USP24: variants seen among roughly 807,000 people sequenced by gnomAD.
USP24 encodes the protein ubiquitin carboxyl-terminal hydrolase 24.
USP24 carries 97 observed loss-of-function variants against 361.6 expected under a neutral mutation model. The ratio of observed to expected loss-of-function variants is 0.27; its 90% CI spans 0.23 to 0.32. USP24 has a LOEUF of 0.32. USP24 is among the 10% of genes least tolerant of loss of function. The pLI is 1.00. For synonymous variants in USP24, 1,098 were observed against 1,124.6 expected, an observed-to-expected ratio of 0.98 and a Z score of 0.47; for missense variants, 2,353 against 3,165.6, an observed-to-expected ratio of 0.74 and a Z score of 6.16.
intron 63 of USP24, among the ~76,000 whole-genome samples, chr1:55,074,992 AG>A (rs776172794): frequency 6.6e-5 from 10 of 152,234 alleles, no homozygotes; most frequent in Non-Finnish European, 1.3e-4. Flanking sequence ...CTTCTGAAAA[AG>A]AAAGCCCTGC....
rs1266690279 is a variant in USP24 at position 55,069,037 on chromosome 1, A to ATG, written c.*6_*7dup. 1 of 1,614,026 alleles carries ATG rather than the reference A, an allele frequency of 6.2e-7. No homozygotes were observed. The highest frequency in any genetic ancestry group is 8.5e-7 in the Non-Finnish European group (1 of 1,179,866). On this transcript the variant is annotated 3_prime_UTR_variant, in exon 68 of 68. Transcript: ENST00000294383. ...TGTCTTGACTCCTCTCAGGCTGGGC[A>ATG]TGTTCCTCTAGGGATCAACATCATC...
intron 67 of USP24, chr1:55,071,543 G>A (rs888131853): frequency 1.6e-6 from 2 of 1,256,088 alleles, no homozygotes; most frequent in East Asian, 3.4e-5. Context: ...CTGTGCCCTG[G>A]CTTCATCGGG....
chr1:55,073,949 C>T (rs550799268), intron 63 of USP24, 43 bp from the exon 64 acceptor site: 1 of 1,489,556 alleles, frequency 6.7e-7, no homozygotes, highest in African/African-American at 1.4e-5. Flanking sequence ...AAAGACTCAA[C>T]TGAAAATGGC....
At position 55,131,337 on chromosome 1, in the gene USP24, A is replaced by T. The variant is rs189078721; in HGVS notation, c.3537+1208T>A. Among the ~76,000 whole-genome samples, 56 of 152,330 alleles carry T rather than the reference A, an allele frequency of 3.7e-4. No homozygotes were observed. In the South Asian group the frequency reaches 6.6e-3, roughly 18 times the overall value. On this transcript the variant is annotated intron_variant, in intron 31 of 67. Coordinates refer to ENST00000294383, the MANE Select transcript of USP24 (RefSeq NM_015306.3). ...AATGTAAAATATAATCTAAATAGAA[A>T]GCACTTTGGTACTCCATGCTGTTGT...
intron 1 of USP24, among the ~76,000 whole-genome samples, chr1:55,191,652 G>C (rs533604918): frequency 2.2e-3 from 334 of 152,052 alleles, no homozygotes; most frequent in African/African-American, 7.8e-3. Flanking sequence ...CACCACGTCC[G>C]GCTAATTTTT....
chr1:55,089,570 C>T, intron 55 of USP24, 57 bp downstream of exon 55: 1 of 1,189,476 alleles, frequency 8.4e-7, no homozygotes, highest in Non-Finnish European at 1.2e-6. Flanking sequence ...GAAACTTCAG[C>T]TCTAAATCAC....
At chr1:55,168,191 T>A (rs1649077217) in intron 5 of USP24, among the ~76,000 whole-genome samples, 2 of 152,056 alleles carry the variant, frequency 1.3e-5, no homozygotes, top group African/African-American at 4.8e-5. Context: ...CTGGGGTCAG[T>A]GCTGTTGATG....
intron 18 of USP24, 62 bp from the exon 19 acceptor site, chr1:55,147,122 A>G: frequency 1.4e-6 from 2 of 1,432,654 alleles, no homozygotes; most frequent in Non-Finnish European, 1.8e-6. Flanking sequence ...AGCAACATTA[A>G]AACAAAACAA....
At chr1:55,107,574 T>C in intron 39 of USP24, 144 bp from the exon 40 acceptor site, 3 of 943,764 alleles carry the variant, frequency 3.2e-6, no homozygotes, top group Non-Finnish European at 3.0e-6. Context: ...CCAGGCGAGC[T>C]GGCTCACATC....
intron 16 of USP24, among the ~76,000 whole-genome samples, chr1:55,153,292 A>G (rs1218442205): frequency 6.6e-6 from 1 of 152,190 alleles, no homozygotes; most frequent in African/African-American, 2.4e-5. Flanking sequence ...ACAGTCCAGA[A>G]GTTCACAGTA....
At chr1:55,127,803 T>C (rs1459150351) in intron 32 of USP24, among the ~76,000 whole-genome samples, 1 of 152,210 alleles carries the variant, frequency 6.6e-6, no homozygotes, top group Non-Finnish European at 1.5e-5. Flanking sequence ...TTGATTTGCA[T>C]TTCTCTGATG....
intron 5 of USP24, among the ~76,000 whole-genome samples, chr1:55,167,932 T>C (rs1649051309): frequency 6.6e-6 from 1 of 152,126 alleles, no homozygotes; most frequent in Non-Finnish European, 1.5e-5. Flanking sequence ...GATAATTGAC[T>C]CTTCAAGTCT....
Position 55,081,442 on chromosome 1 carries a change from A to ACTGTTAGTCATCAGGG in USP24, c.6976-19_6976-18insCCCTGATGACTAACAG. On this transcript the variant is annotated intron_variant, in intron 58 of 67. Transcript: ENST00000294383. ...CGACGTATCTGTCATCAGGGAAGAT[A>ACTGTTAGTCATCAGGG]AAGTGGCTGTTAGTGTTGTCGTCAG... 6.2e-7 allele frequency: 1 copy of ACTGTTAGTCATCAGGG among 1,611,196 alleles called. No homozygotes were observed. The highest frequency in any genetic ancestry group is 8.5e-7 in the Non-Finnish European group (1 of 1,177,548).
intron 31 of USP24, among the ~76,000 whole-genome samples, chr1:55,131,440 C>T (rs933330505): frequency 1.3e-5 from 2 of 152,166 alleles, no homozygotes; most frequent in Admixed American, 6.5e-5. Flanking sequence ...CAACCTCAAA[C>T]GTGGTTTCCA....
At chr1:55,144,075 CAA>C in intron 21 of USP24, 50 bp downstream of exon 21, 5 of 1,392,840 alleles carry the variant, frequency 3.6e-6, no homozygotes, top group Non-Finnish European at 9.6e-7. Flanking sequence ...TGCTGAATAT[CAA>C]GTTATACTAG....
In USP24 at chr1:55,138,703, G is replaced by C; in HGVS notation, c.2833C>G (p.Pro945Ala). ...VITIEDFYSV[P>A]RTILPHGASF... The stretch of plus-strand genomic sequence containing the variant: ...GCACCATGAGGTAGAATAGTTCGTG[G>C]AACAGAGTAAAAATCCTTAAAAAAC... Residue 945 changes from proline (P) to alanine (A), a missense_variant, in exon 26 of 68, where the codon CCA becomes GCA. Pro to Ala is a conservative substitution (Grantham distance 27). Around this residue, in one of 8 missense-constraint regions of USP24, gnomAD observed 949 missense variants for 1,280.5 expected, o/e 0.74. Coordinates refer to ENST00000294383, the MANE Select transcript of USP24 (RefSeq NM_015306.3). 6.2e-7 allele frequency: 1 copy of C among 1,612,154 alleles called. No individual in the cohort carries two copies. The highest frequency in any genetic ancestry group is 1.1e-5 in the South Asian group (1 of 90,722).
At position 55,067,250 on chromosome 1, in the gene USP24, G is replaced by A. The variant is rs1324829232; in HGVS notation, c.*1795C>T. 2.6e-5 allele frequency: 4 copies of A among 152,130 alleles called. No homozygotes were observed. Among genetic ancestry groups the A allele is most frequent in the African/African-American group, 7.2e-5 (3 of 41,398 alleles). 9.4% of individuals were successfully genotyped at this position (152,130 alleles called of 1,614,324 possible). On this transcript the variant is annotated 3_prime_UTR_variant, in exon 68 of 68. Transcript: ENST00000294383. ...AAGGTCATGTCCCACACAATCTCTT[G>A]GTGAGGATGTGGGCGGAGAGAAGGT... is the stretch of plus-strand genomic sequence containing the variant.
At chr1:55,188,682 G>A (rs1386834354) in intron 1 of USP24, among the ~76,000 whole-genome samples, 1 of 152,014 alleles carries the variant, frequency 6.6e-6, no homozygotes. Context: ...AAAGAAGCCG[G>A]GCATGGTGGG....
At chr1:55,213,322 G>C (rs548535269) in intron 1 of USP24, among the ~76,000 whole-genome samples, 1 of 152,318 alleles carries the variant, frequency 6.6e-6, no homozygotes, top group East Asian at 1.9e-4. Context: ...ACTAGTCAAC[G>C]ATACAGCTAA....
Sources: gnomAD v4.1 joint callset for allele counts (sites outside exome capture counted in the v4.1 genomes callset) on GRCh38, gnomAD v4.1.1 for gene constraint, gnomAD v4.1.1 regional missense constraint, MANE v1.5 for transcripts, NCBI Gene and HGNC (gene_info 2026-07-23, HGNC 2026-07-21) for gene names.